The following ZNF91 variants were observed in gnomAD, a reference collection of about 807,000 sequenced individuals.
ZNF91 encodes zinc finger protein 91 (HPF7, HTF10).
In ZNF91, 7 loss-of-function variants were observed where a neutral mutation model predicts 12.6. The observed-to-expected ratio is 0.55, with a 90% CI of 0.31 to 1.04. The LOEUF (loss-of-function observed/expected upper bound fraction) is 1.04, where lower values mean the gene tolerates loss of function less well. Ranked by LOEUF, ZNF91 falls within the 50% of genes least tolerant of loss-of-function variation. The probability of loss-of-function intolerance (pLI) is 0.05; values close to 1 mark genes in which losing one functional copy is unlikely to be tolerated. For synonymous variants in ZNF91, 453 were observed against 462.6 expected (o/e 0.98, Z 0.27); for missense variants, 1,217 against 1,385.4 (o/e 0.88, Z 1.93).
At chr19:23,308,693 G>T (rs1041143732) in intron 2 of ZNF91, 24 of 152,340 alleles carry the variant, frequency 1.6e-4, no homozygotes, top group African/African-American at 5.3e-4. Flanking sequence ...AGGGTGATTT[G>T]TGTCATGGAG....
chr19:23,373,363 TATATATATATATATATATATATAA>T (rs1239930557), intron 3 of ZNF91, among the ~76,000 whole-genome samples: 2 of 79,628 alleles, frequency 2.5e-5, no homozygotes, highest in African/African-American at 4.5e-5. Flanking sequence ...TATATATATA[TATATATATATATATATATATATAA>T]ATAAACAGTA....
chr19:23,310,818 G>T (rs1324219059), upstream of ZNF91, among the ~76,000 whole-genome samples: 2 of 152,142 alleles, frequency 1.3e-5, no homozygotes, highest in African/African-American at 4.8e-5. Context: ...ATGTCTACAG[G>T]AAGCATTGTG....
rs570624022 is a variant in ZNF91, at chr19:23,361,374, T to A, written c.1605A>T (p.Lys535Asn). The A allele has an allele frequency of 6.8e-6, 11 of 1,613,618 alleles. No homozygotes were observed. In the East Asian group the frequency reaches 2.5e-4, roughly 36 times the overall value. Residue 535 changes from lysine to asparagine, a missense_variant, in exon 4 of 4, where the codon AAA becomes AAT. By Grantham distance (94) the Lys-to-Asn change is moderately conservative (BLOSUM62 0). This residue lies in a region of ZNF91 where 726 missense variants were observed against 895.5 expected (regional missense o/e 0.81). Transcript: ENST00000300619. ...TCTCTCTACTATGAATTATCTTATG[T>A]TTATTAAGGGTTAAGGATTGTCTAA... ...KAFRQSLTLN[K>N]HKIIHSREKP... is the part of the protein sequence containing the mutation.
upstream of ZNF91, among the ~76,000 whole-genome samples, chr19:23,315,550 A>C (rs1000560568): frequency 6.6e-6 from 1 of 151,260 alleles, no homozygotes; most frequent in Non-Finnish European, 1.5e-5. Flanking sequence ...CTTTGGGCCC[A>C]TGACCTGACC....
At position 23,368,012 on chromosome 19, in the gene ZNF91, C is replaced by T. The variant is rs531462626; in HGVS notation, c.254-5287G>A. On this transcript the variant is annotated intron_variant, in intron 3 of 3. Coordinates refer to ENST00000300619, the MANE Select transcript of ZNF91 (RefSeq NM_003430.4). ...GCAACCTCTGCCTCCCGGGTTCAAG[C>T]GATTACCCTGCCTCAGCCACCCGAG... is the stretch of plus-strand genomic sequence containing the variant. Among the ~76,000 whole-genome samples, 615 of 152,030 alleles carry T rather than the reference C, an allele frequency of 4.0e-3. 7 individuals are homozygous for T. Among genetic ancestry groups the T allele is most frequent in the African/African-American group, 0.014 (588 of 41,490 alleles).
Position 23,395,365 on chromosome 19 carries a change from G to C in ZNF91, c.-11C>G. 2 of 1,613,832 alleles carry C rather than the reference G, an allele frequency of 1.2e-6. No homozygotes were observed. Among genetic ancestry groups the C allele is most frequent in the East Asian group, 2.2e-5 (1 of 44,856 alleles). On this transcript the variant is annotated 5_prime_UTR_variant, in exon 1 of 4. Coordinates refer to ENST00000300619, the MANE Select transcript of ZNF91 (RefSeq NM_003430.4). ...AGGGGTTCCTGGCATCTTAGCTGTG[G>C]CTCTCCAATACCTGCAGGTCACAGG... is the stretch of plus-strand genomic sequence containing the variant.
chr19:23,368,502 G>A (rs976748175), intron 3 of ZNF91, among the ~76,000 whole-genome samples: 5 of 144,424 alleles, frequency 3.5e-5, no homozygotes, highest in Admixed American at 6.9e-5. Flanking sequence ...GTGACAGAGC[G>A]AAACTCCATC....
rs372804087 is a variant in ZNF91, at chr19:23,362,398, C to G, written c.581G>C (p.Arg194Pro). ...GCATTTATGTTGGGTTTTGTGTAAACGGATGCAAAATGACTTGACACATTT... is the reference window on the plus strand; with the variant it reads ...GCATTTATGTTGGGTTTTGTGTAAAGGGATGCAAAATGACTTGACACATTT... ...CKKCVKSFCI[R>P]LHKTQHKCVY... is the part of the protein sequence containing the mutation. The change falls in exon 4 of 4, where the codon CGT becomes CCT. Residue 194 changes from arginine to proline, a missense_variant. Physicochemically the swap from Arg to Pro is moderately radical, Grantham distance 103. This residue lies in a region of ZNF91 where 726 missense variants were observed against 895.5 expected (regional missense o/e 0.81). Coordinates refer to ENST00000300619, the MANE Select transcript of ZNF91 (RefSeq NM_003430.4). 6.2e-7 allele frequency: 1 copy of G among 1,613,926 alleles called. No individual in the cohort carries two copies. Among genetic ancestry groups the G allele is most frequent in the Non-Finnish European group, 8.5e-7 (1 of 1,179,958 alleles).
In ZNF91 at chr19:23,360,675, T is replaced by C. The variant is rs1460749994; in HGVS notation, c.2304A>G (p.Lys768=). 1 of 1,613,620 alleles carries C rather than the reference T, an allele frequency of 6.2e-7. No homozygotes were observed. Among genetic ancestry groups the C allele is most frequent in the Non-Finnish European group, 8.5e-7 (1 of 1,179,900 alleles). ...TKHKRIHTRE[K]PFKCKECGKA... ...TGCCACATTCTTTACATTTGAAGGG[T>C]TTCTCTCTAGTATGAATTCTTTTAT... The change falls in exon 4 of 4, where the codon AAA becomes AAG. Residue 768 remains lysine (K), a synonymous_variant. Transcript: ENST00000300619.
intron 3 of ZNF91, among the ~76,000 whole-genome samples, chr19:23,343,981 G>A (rs181085882): frequency 1.4e-4 from 21 of 152,130 alleles, no homozygotes; most frequent in Non-Finnish European, 2.8e-4. Flanking sequence ...ATTCCTTCAG[G>A]AAACATGCTA....
In ZNF91 at chr19:23,358,041, A is replaced by G. The variant is rs1209317967; in HGVS notation, c.*1362T>C. 1 of 152,146 alleles carries G rather than the reference A, an allele frequency of 6.6e-6. No homozygotes were observed. Among genetic ancestry groups the G allele is most frequent in the East Asian group, 1.9e-4 (1 of 5,206 alleles). The allele number at this position is 152,146 out of a possible 1,614,324, so 9.4% of individuals were successfully genotyped here. On this transcript the variant is annotated 3_prime_UTR_variant, in exon 4 of 4. Transcript: ENST00000300619. Reference sequence around the variant, plus strand: ...TAATGGCAATTAAAACTCACTGGCAAAAAAAATCACTAGAGATGTCAGTCC... The same window carrying G: ...TAATGGCAATTAAAACTCACTGGCAGAAAAAATCACTAGAGATGTCAGTCC...
downstream of ZNF91, among the ~76,000 whole-genome samples, chr19:23,354,097 T>A (rs1035078880): frequency 6.6e-6 from 1 of 152,054 alleles, no homozygotes; most frequent in Non-Finnish European, 1.5e-5. Context: ...TTCTATGAGG[T>A]CAGCATCACC....
At chr19:23,352,270 C>T (rs1968384986) in intron 3 of ZNF91, among the ~76,000 whole-genome samples, 2 of 152,080 alleles carry the variant, frequency 1.3e-5, no homozygotes, top group South Asian at 2.1e-4. Flanking sequence ...TGCCGGCTTT[C>T]CCCCACTTCC....
intron 1 of ZNF91, among the ~76,000 whole-genome samples, chr19:23,389,003 G>A (rs571757926): frequency 6.6e-6 from 1 of 152,150 alleles, no homozygotes; most frequent in African/African-American, 2.4e-5. Flanking sequence ...AGTTGAGGGT[G>A]GAGGGTGGCA....
chr19:23,340,337 A>G (rs530182507), intron 3 of ZNF91, among the ~76,000 whole-genome samples: 2 of 152,336 alleles, frequency 1.3e-5, no homozygotes, highest in African/African-American at 4.8e-5. Flanking sequence ...ATCAGATATA[A>G]AAGAACAGAC....
At chr19:23,339,719 C>T (rs1029341880) in intron 3 of ZNF91, 1 of 151,944 alleles carries the variant, frequency 6.6e-6, no homozygotes, top group African/African-American at 2.4e-5. Flanking sequence ...ACAGGTGGAC[C>T]ACCTGAGGTA....
At chr19:23,364,886 G>A (rs1314922157) in intron 3 of ZNF91, among the ~76,000 whole-genome samples, 2 of 151,918 alleles carry the variant, frequency 1.3e-5, no homozygotes, top group Non-Finnish European at 2.9e-5. Flanking sequence ...ATTTGATGTT[G>A]CTCCAGACTG....
At chr19:23,322,327 C>T (rs1412146159) in intron 1 of ZNF91, among the ~76,000 whole-genome samples, 1 of 152,116 alleles carries the variant, frequency 6.6e-6, no homozygotes, top group African/African-American at 2.4e-5. Context: ...CTCTCCTCTA[C>T]TGTTTGGTCT....
At chr19:23,365,775 G>C (rs930194013) in intron 3 of ZNF91, among the ~76,000 whole-genome samples, 1 of 151,860 alleles carries the variant, frequency 6.6e-6, no homozygotes, top group Non-Finnish European at 1.5e-5. Flanking sequence ...GACTCTTAAC[G>C]AGCATGCTGC....
Sources: allele counts gnomAD v4.1 joint callset (sites outside exome capture counted in the v4.1 genomes callset), GRCh38; gene constraint gnomAD v4.1.1; regional missense constraint gnomAD v4.1.1; transcripts MANE v1.5; gene names NCBI Gene and HGNC (gene_info 2026-07-23, HGNC 2026-07-21).